MECOM: variants seen among roughly 807,000 people sequenced by gnomAD.
MECOM encodes histone-lysine N-methyltransferase MECOM.
Under a neutral mutation model 116.3 loss-of-function variants are expected in MECOM, and 13 were observed. That is an observed-to-expected ratio of 0.11 (90% CI 0.07 to 0.18). MECOM has a LOEUF of 0.18. Ranked by LOEUF, MECOM falls within the 10% of genes least tolerant of loss-of-function variation. The pLI is 1.00. For synonymous variants in MECOM, 528 were observed against 535.2 expected (o/e 0.99, Z 0.19); for missense variants, 1,299 against 1,509.0 (o/e 0.86, Z 2.31).
intron 1 of MECOM, among the ~76,000 whole-genome samples, chr3:169,479,716 C>T (rs1751008532): frequency 6.8e-6 from 1 of 146,722 alleles, no homozygotes; most frequent in African/African-American, 2.5e-5. Context: ...AAAGCAGACA[C>T]ATTTGGTGAT....
chr3:169,624,801 G>C (rs1163689514), intron 1 of MECOM, among the ~76,000 whole-genome samples: 1 of 152,170 alleles, frequency 6.6e-6, no homozygotes, highest in Non-Finnish European at 1.5e-5. Flanking sequence ...ACACTGTCTG[G>C]TGTGCACAAA....
In MECOM at chr3:169,471,428, C is replaced by T. The variant is rs144243312; in HGVS notation, c.38-89904G>A. ...TCCTGTGTAACTCCTACCTAGCAAG[C>T]ATTGAATACATATATTTAAATGAAA... On this transcript the variant is annotated intron_variant, in intron 1 of 16. Transcript: ENST00000651503. Among the ~76,000 whole-genome samples, 1,176 of 149,024 alleles carry T rather than the reference C, an allele frequency of 7.9e-3. 11 individuals are homozygous for T. The highest frequency in any genetic ancestry group is 0.027 in the African/African-American group (1,098 of 40,778).
intron 2 of MECOM, among the ~76,000 whole-genome samples, chr3:169,321,742 A>G (rs889827683): frequency 2.6e-5 from 4 of 152,120 alleles, no homozygotes; most frequent in Admixed American, 1.3e-4. Context: ...TTAAGGGAGG[A>G]GGTCAAACAT....
At chr3:169,477,101 GTGTGTATATATATATATATATA>G (rs1405589987) in intron 1 of MECOM, 6 of 51,678 alleles carry the variant, frequency 1.2e-4, no homozygotes, top group African/African-American at 2.1e-4. Context: ...GTGTGTGTGT[GTGTGTATATATATATATATATA>G]TATATATATA....
intron 1 of MECOM, among the ~76,000 whole-genome samples, chr3:169,507,566 C>T (rs1755389600): frequency 6.6e-6 from 1 of 150,896 alleles, no homozygotes; most frequent in South Asian, 2.1e-4. Context: ...TTTTCTTTTT[C>T]CCCTGGCTTC....
intron 2 of MECOM, among the ~76,000 whole-genome samples, chr3:169,293,667 A>G (rs1715039781): frequency 6.6e-6 from 1 of 152,180 alleles, no homozygotes; most frequent in Non-Finnish European, 1.5e-5. Context: ...AGTTATTATT[A>G]CCAAACATTA....
At chr3:169,614,449 G>A (rs1769729389) in intron 1 of MECOM, among the ~76,000 whole-genome samples, 1 of 152,004 alleles carries the variant, frequency 6.6e-6, no homozygotes, top group Non-Finnish European at 1.5e-5. Flanking sequence ...AAAACAATAA[G>A]GAAACTCTGG....
chr3:169,084,722 T>C lies in MECOM; in HGVS notation c.*187A>G. On this transcript the variant is annotated 3_prime_UTR_variant, in exon 17 of 17. Transcript: ENST00000651503. ...TGCCTTTGCTGTGCAAAACAAAATA[T>C]CGAGAATAAATAGTTTCTTTTTTCT... is the stretch of plus-strand genomic sequence containing the variant. The C allele has an allele frequency of 3.3e-6, 2 of 603,498 alleles. No individual in the cohort carries two copies. The highest frequency in any genetic ancestry group is 5.3e-6 in the Non-Finnish European group (2 of 376,144). 37.4% of individuals were successfully genotyped at this position (603,498 alleles called of 1,614,324 possible).
At chr3:169,496,814 C>A (rs991346617) in intron 1 of MECOM, among the ~76,000 whole-genome samples, 3 of 152,146 alleles carry the variant, frequency 2.0e-5, no homozygotes, top group Admixed American at 6.5e-5. Context: ...AATAATGGCT[C>A]TTTCTTGATT....
chr3:169,588,772 T>A (rs1406574307), intron 1 of MECOM, among the ~76,000 whole-genome samples: 21 of 152,176 alleles, frequency 1.4e-4, no homozygotes, highest in Admixed American at 1.4e-3. Flanking sequence ...TCATGACAAA[T>A]GACCCTATCT....
At chr3:169,203,826 A>C (rs1749529595) in intron 2 of MECOM, among the ~76,000 whole-genome samples, 1 of 152,186 alleles carries the variant, frequency 6.6e-6, no homozygotes, top group Admixed American at 6.6e-5. Flanking sequence ...AAATGGAAAG[A>C]CTGAAATGAA....
chr3:169,191,018 T>C (rs577221461), intron 2 of MECOM, among the ~76,000 whole-genome samples: 2 of 152,138 alleles, frequency 1.3e-5, no homozygotes, highest in East Asian at 3.9e-4. Flanking sequence ...CTGTTTCAGA[T>C]ACCAGGAGCA....
At chr3:169,322,997 T>TTA (rs1270690613) in intron 2 of MECOM, among the ~76,000 whole-genome samples, 9,443 of 56,032 alleles carry the variant, frequency 0.17, 1,157 homozygotes, top group East Asian at 0.38. Flanking sequence ...AAGACTCCGG[T>TTA]AAAAAAAAAA....
chr3:169,561,185 T>C (rs1366472920), intron 1 of MECOM, among the ~76,000 whole-genome samples: 1 of 152,046 alleles, frequency 6.6e-6, no homozygotes, highest in Non-Finnish European at 1.5e-5. Context: ...GGTATATGAA[T>C]ATTGGAGCTT....
intron 2 of MECOM, among the ~76,000 whole-genome samples, chr3:169,300,505 C>A (rs1199951678): frequency 6.6e-6 from 1 of 152,132 alleles, no homozygotes; most frequent in East Asian, 1.9e-4. Context: ...GTTCTATACC[C>A]TCTTAAAGTT....
chr3:169,153,477 T>G (rs1741475724), intron 2 of MECOM, among the ~76,000 whole-genome samples: 1 of 152,218 alleles, frequency 6.6e-6, no homozygotes, highest in Non-Finnish European at 1.5e-5. Flanking sequence ...TCGGACTAAA[T>G]TAGTGAGGTA....
intron 4 of MECOM, 33 bp downstream of exon 4, chr3:169,131,396 G>T (rs1438849785): frequency 1.3e-6 from 2 of 1,525,232 alleles, no homozygotes; most frequent in South Asian, 1.1e-5. Flanking sequence ...GCGATGATAA[G>T]GTGATAAGGA....
chr3:169,482,456 C>T lies in MECOM; in HGVS notation c.38-100932G>A, dbSNP rs137922240. Among the ~76,000 whole-genome samples the T allele has an allele frequency of 0.014, 2,160 of 151,954 alleles. 160 individuals are homozygous for T. The East Asian group carries it at 0.24, about 17-fold the overall frequency. ...AAGCCATTCTCCTGCCTCAGCCTCC[C>T]GAGTAGCTGGGACCTGTACAGGCGC... On this transcript the variant is annotated intron_variant, in intron 1 of 16. Coordinates refer to ENST00000651503, the MANE Select transcript of MECOM (RefSeq NM_004991.4).
At chr3:169,418,927 T>C (rs1486693287) in intron 1 of MECOM, among the ~76,000 whole-genome samples, 1 of 152,186 alleles carries the variant, frequency 6.6e-6, no homozygotes, top group Non-Finnish European at 1.5e-5. Flanking sequence ...AAACAAAGGA[T>C]ATTCAAATAG....
Sources: gnomAD v4.1 joint callset for allele counts (sites outside exome capture counted in the v4.1 genomes callset) on GRCh38, gnomAD v4.1.1 for gene constraint, MANE v1.5 for transcripts, NCBI Gene and HGNC (gene_info 2026-07-23, HGNC 2026-07-21) for gene names.